Variants in KIAA1328 observed in about 807,000 individuals in gnomAD.
KIAA1328 encodes the protein KIAA1328.
KIAA1328 carries 52 observed loss-of-function variants against 68.1 expected under a neutral mutation model. That is an observed-to-expected ratio of 0.76 (90% CI 0.61 to 0.96). The LOEUF is 0.96. Among genes scored for constraint, KIAA1328 ranks in the 40% least tolerant of loss-of-function variants. KIAA1328 has a pLI of 0.00. For synonymous variants in KIAA1328, 232 were observed against 239.4 expected, an observed-to-expected ratio of 0.97 and a Z score of 0.28; for missense variants, 641 against 677.6, an observed-to-expected ratio of 0.95 and a Z score of 0.60.
chr18:36,869,380 C>A (rs138491962), intron 4 of KIAA1328, among the ~76,000 whole-genome samples: 1 of 151,964 alleles, frequency 6.6e-6, no homozygotes, highest in Non-Finnish European at 1.5e-5. Context: ...TTTTCTTTTG[C>A]GTAGTATGTG....
chr18:37,017,565 G>A (rs1018560134), intron 6 of KIAA1328, among the ~76,000 whole-genome samples: 4 of 152,076 alleles, frequency 2.6e-5, no homozygotes, highest in African/African-American at 9.7e-5. Flanking sequence ...CTAGGGTGTT[G>A]AAGTCCTCCA....
chr18:37,070,503 C>T (rs1414484711), intron 7 of KIAA1328, among the ~76,000 whole-genome samples: 1 of 151,470 alleles, frequency 6.6e-6, no homozygotes, highest in Non-Finnish European at 1.5e-5. Context: ...GCTGCTTATG[C>T]ATTAAGTTTG....
chr18:36,873,869 G>C (rs889589334), intron 4 of KIAA1328, among the ~76,000 whole-genome samples: 2 of 152,110 alleles, frequency 1.3e-5, no homozygotes, highest in Non-Finnish European at 2.9e-5. Context: ...CACAGTGTGT[G>C]ATGTTCCCCT....
chr18:37,108,982 T>C (rs886592676), intron 7 of KIAA1328, among the ~76,000 whole-genome samples: 5 of 131,822 alleles, frequency 3.8e-5, no homozygotes, highest in Non-Finnish European at 7.8e-5. Flanking sequence ...CCTGTGTCCA[T>C]GTGTTCTCAT....
chr18:37,103,373 T>C (rs113455596), intron 7 of KIAA1328, among the ~76,000 whole-genome samples: 3,478 of 152,266 alleles, frequency 0.023, 46 homozygotes, highest in Non-Finnish European at 0.037. Context: ...CCATCTTACT[T>C]TTGACTGGGT....
intron 5 of KIAA1328, among the ~76,000 whole-genome samples, chr18:36,910,735 T>C (rs930522897): frequency 1.3e-5 from 2 of 152,190 alleles, no homozygotes; most frequent in Non-Finnish European, 2.9e-5. Context: ...TTTCATGATA[T>C]TGATTCTTCC....
chr18:37,083,362 A>G (rs1198370589), intron 7 of KIAA1328, among the ~76,000 whole-genome samples: 2 of 152,244 alleles, frequency 1.3e-5, no homozygotes, highest in Admixed American at 1.3e-4. Context: ...ATGTCTTTTG[A>G]CAATGATGAA....
At chr18:36,913,976 ATTTGAG>A (rs887459770) in intron 5 of KIAA1328, among the ~76,000 whole-genome samples, 1 of 152,082 alleles carries the variant, frequency 6.6e-6, no homozygotes, top group African/African-American at 2.4e-5. Flanking sequence ...TCCAAAGTAG[ATTTGAG>A]TTTTTTTCAT....
At chr18:36,915,799 A>AT (rs1307693843) in intron 5 of KIAA1328, among the ~76,000 whole-genome samples, 1 of 152,148 alleles carries the variant, frequency 6.6e-6, no homozygotes, top group African/African-American at 2.4e-5. Flanking sequence ...AGTTAAGCTT[A>AT]TTTTTTGACT....
At chr18:37,101,105 A>C (rs1230784227) in intron 7 of KIAA1328, among the ~76,000 whole-genome samples, 2 of 152,208 alleles carry the variant, frequency 1.3e-5, no homozygotes, top group Non-Finnish European at 2.9e-5. Context: ...TAAATATCAG[A>C]GCGCCTCTCC....
At chr18:37,163,772 A>G (rs2059330978) in intron 8 of KIAA1328, among the ~76,000 whole-genome samples, 1 of 152,172 alleles carries the variant, frequency 6.6e-6, no homozygotes, top group African/African-American at 2.4e-5. Context: ...AGCATTTCTC[A>G]TGTTTCTTTT....
chr18:36,922,207 C>T (rs1280245971), intron 5 of KIAA1328, among the ~76,000 whole-genome samples: 3 of 152,062 alleles, frequency 2.0e-5, no homozygotes, highest in Non-Finnish European at 4.4e-5. Flanking sequence ...GTATTAATGC[C>T]GTTGTCTTTG....
chr18:37,112,738 C>A (rs1019248544), intron 7 of KIAA1328, among the ~76,000 whole-genome samples: 1 of 152,090 alleles, frequency 6.6e-6, no homozygotes, highest in Non-Finnish European at 1.5e-5. Context: ...TCGAACCAAT[C>A]GCAAAGAAGC....
At position 37,043,577 on chromosome 18, in the gene KIAA1328, T is replaced by G. The variant is rs575544115; in HGVS notation, c.577-23313T>G. 7.9e-5 allele frequency among the ~76,000 whole-genome samples: 12 copies of G among 152,316 alleles called. No individual in the cohort carries two copies. In the South Asian group the frequency reaches 2.5e-3, roughly 32 times the overall value. On this transcript the variant is annotated intron_variant, in intron 6 of 9. Coordinates refer to ENST00000280020, the MANE Select transcript of KIAA1328 (RefSeq NM_020776.3). ...ATAGCTTAATTTGAAAACAGATGAT[T>G]ATTGTTAATAAATTTTGCTCTAACA...
At chr18:37,178,804 T>A (rs1215378430) in intron 9 of KIAA1328, among the ~76,000 whole-genome samples, 1 of 152,212 alleles carries the variant, frequency 6.6e-6, no homozygotes, top group Non-Finnish European at 1.5e-5. Flanking sequence ...ATTGTGGTTT[T>A]GATTTGTATT....
At chr18:36,925,799 G>A (rs1238815522) in intron 5 of KIAA1328, among the ~76,000 whole-genome samples, 6 of 151,656 alleles carry the variant, frequency 4.0e-5, no homozygotes, top group Admixed American at 2.0e-4. Flanking sequence ...TCAGCCTCCC[G>A]AAGTGCTTGG....
At chr18:36,869,381 G>T (rs72885291) in intron 4 of KIAA1328, among the ~76,000 whole-genome samples, 2 of 151,878 alleles carry the variant, frequency 1.3e-5, no homozygotes, top group East Asian at 1.9e-4. Context: ...TTTCTTTTGC[G>T]TAGTATGTGG....
At chr18:37,135,240 G>A (rs189292814) in intron 7 of KIAA1328, among the ~76,000 whole-genome samples, 8 of 152,268 alleles carry the variant, frequency 5.3e-5, no homozygotes, top group Non-Finnish European at 1.2e-4. Flanking sequence ...TGGGTCGAAC[G>A]GTAGTGCTGT....
intron 5 of KIAA1328, among the ~76,000 whole-genome samples, chr18:36,935,951 T>G (rs2050483971): frequency 6.6e-6 from 1 of 152,228 alleles, no homozygotes; most frequent in Non-Finnish European, 1.5e-5. Flanking sequence ...GAAGATGCTG[T>G]GATTAAGCCT....
Sources: allele counts gnomAD v4.1 joint callset (sites outside exome capture counted in the v4.1 genomes callset), GRCh38; gene constraint gnomAD v4.1.1; transcripts MANE v1.5; gene names NCBI Gene and HGNC (gene_info 2026-07-23, HGNC 2026-07-21).